TNRC6B: variants seen among roughly 807,000 people sequenced by gnomAD.
TNRC6B encodes the protein trinucleotide repeat containing adaptor 6B, also known as trinucleotide repeat-containing gene 6B protein.
A neutral mutation model predicts 203.6 loss-of-function variants in TNRC6B; 52 were observed. The ratio of observed to expected loss-of-function variants is 0.26; its 90% CI spans 0.20 to 0.32. TNRC6B has a LOEUF of 0.32. Ranked by LOEUF, TNRC6B falls within the 10% of genes least tolerant of loss-of-function variation. TNRC6B has a pLI of 1.00. For missense variants in TNRC6B, 1,923 were observed against 2,286.2 expected (o/e 0.84, Z 3.24); for synonymous variants, 838 against 845.7 (o/e 0.99, Z 0.16).
intron 1 of TNRC6B, among the ~76,000 whole-genome samples, chr22:40,222,366 C>CA (rs1446392531): frequency 6.6e-6 from 1 of 152,134 alleles, no homozygotes. Context: ...GAAGGCCTTA[C>CA]TAGGACCAGA....
chr22:40,115,675 A>G (rs1171257920), intron 1 of TNRC6B, among the ~76,000 whole-genome samples: 4 of 152,222 alleles, frequency 2.6e-5, no homozygotes, highest in African/African-American at 7.2e-5. Flanking sequence ...CGGAGGAGGA[A>G]CACTTTGTCC....
intron 3 of TNRC6B, among the ~76,000 whole-genome samples, chr22:40,130,779 TAA>T (rs200268757): frequency 3.2e-4 from 21 of 65,046 alleles, no homozygotes; most frequent in Admixed American, 5.8e-4. Flanking sequence ...AGACTCCGTC[TAA>T]AAAAAAAAAA....
intron 21 of TNRC6B, among the ~76,000 whole-genome samples, chr22:40,318,993 A>AC: frequency 6.6e-6 from 1 of 151,482 alleles, no homozygotes; most frequent in South Asian, 2.1e-4. Flanking sequence ...AATCGCTTGA[A>AC]CCCGGGGGTG....
chr22:40,313,027 G>C (rs768873908), intron 19 of TNRC6B, 30 bp downstream of exon 19: 1 of 1,564,318 alleles, frequency 6.4e-7, no homozygotes, highest in African/African-American at 1.4e-5. Context: ...GTTTCCCTTT[G>C]GTTAGCACTT....
chr22:40,194,156 G>T (rs138128284), intron 1 of TNRC6B, among the ~76,000 whole-genome samples: 16 of 152,346 alleles, frequency 1.1e-4, no homozygotes, highest in African/African-American at 3.6e-4. Flanking sequence ...CAGGCAAATG[G>T]TCTGAAGAAA....
chr22:40,226,779 A>C (rs1420409436), intron 1 of TNRC6B, among the ~76,000 whole-genome samples: 1 of 152,204 alleles, frequency 6.6e-6, no homozygotes, highest in Non-Finnish European at 1.5e-5. Context: ...TTCTGTGTGC[A>C]TATGCAGCCC....
At chr22:40,188,796 G>A (rs2069237116) in intron 1 of TNRC6B, among the ~76,000 whole-genome samples, 1 of 152,188 alleles carries the variant, frequency 6.6e-6, no homozygotes, top group Non-Finnish European at 1.5e-5. Flanking sequence ...CCATAGACAT[G>A]TGAATGTTTA....
chr22:40,071,445 C>T (rs1009010880), intron 1 of TNRC6B, among the ~76,000 whole-genome samples: 7 of 152,136 alleles, frequency 4.6e-5, no homozygotes, highest in Non-Finnish European at 8.8e-5. Flanking sequence ...TTCTCTGGAC[C>T]GACTTTTCCT....
chr22:40,173,711 C>T (rs2069025884), upstream of TNRC6B, among the ~76,000 whole-genome samples: 1 of 143,022 alleles, frequency 7.0e-6, no homozygotes, highest in Admixed American at 7.0e-5. Flanking sequence ...AACACCATGG[C>T]CAGCCTTGCT....
chr22:40,202,260 G>GTTTTTGTTTTTTTT (rs761983025), intron 1 of TNRC6B, among the ~76,000 whole-genome samples: 91 of 129,754 alleles, frequency 7.0e-4, no homozygotes, highest in African/African-American at 1.4e-3. Flanking sequence ...TTGTTTTTTT[G>GTTTTTGTTTTTTTT]TTTTTTTTTT....
In TNRC6B at chr22:40,332,556, G is replaced by A. The variant is rs1368416400; in HGVS notation, c.*9315G>A. On this transcript the variant is annotated 3_prime_UTR_variant, in exon 23 of 23. Coordinates refer to ENST00000454349, the MANE Select transcript of TNRC6B (RefSeq NM_001162501.2). ...CCATGCAGCAATTCTTCTTGTTGAC[G>A]TTCACAGTACTGTAACGAGTAACAG... 6.6e-6 allele frequency: 1 copy of A among 152,646 alleles called. No homozygotes were observed. Among genetic ancestry groups the A allele is most frequent in the East Asian group, 1.9e-4 (1 of 5,172 alleles). The allele number at this position is 152,646 out of a possible 1,614,324, so 9.5% of individuals were successfully genotyped here.
intron 1 of TNRC6B, among the ~76,000 whole-genome samples, chr22:40,215,296 T>C (rs1395287488): frequency 6.6e-6 from 1 of 152,114 alleles, no homozygotes; most frequent in Non-Finnish European, 1.5e-5. Context: ...TTTTCATGTG[T>C]GATTTATCAG....
intron 17 of TNRC6B, 49 bp from the exon 18 acceptor site, chr22:40,312,455 AT>A (rs746610541): frequency 1.1e-3 from 1,579 of 1,439,064 alleles, no homozygotes; most frequent in Admixed American, 1.4e-3. Flanking sequence ...GTACTATATC[AT>A]TTTTTTTTAA....
At chr22:40,203,532 A>C (rs8137189) in intron 1 of TNRC6B, among the ~76,000 whole-genome samples, 11,792 of 152,098 alleles carry the variant, frequency 0.078, 1,426 homozygotes, top group African/African-American at 0.26. Flanking sequence ...GGTAAAATAG[A>C]ATTGGGAAAA....
chr22:40,264,534 G>A (rs2070443639), intron 4 of TNRC6B, among the ~76,000 whole-genome samples, 154 bp from the exon 5 acceptor site: 1 of 152,098 alleles, frequency 6.6e-6, no homozygotes, highest in Non-Finnish European at 1.5e-5. Context: ...AAAAAGAGAT[G>A]ACTAAGACAG....
chr22:40,130,925 A>G (rs924620818), intron 3 of TNRC6B, among the ~76,000 whole-genome samples: 7 of 150,966 alleles, frequency 4.6e-5, no homozygotes, highest in Non-Finnish European at 7.4e-5. Flanking sequence ...TTTTTGAGAC[A>G]GAGTCTCGCT....
chr22:40,069,831 A>G (rs2067931829), intron 1 of TNRC6B, among the ~76,000 whole-genome samples: 1 of 152,088 alleles, frequency 6.6e-6, no homozygotes, highest in Admixed American at 6.5e-5. Flanking sequence ...TCTTTTCTAT[A>G]CCACACATTT....
chr22:40,286,873 G>GC (rs2070791382), intron 12 of TNRC6B, among the ~76,000 whole-genome samples: 1 of 152,174 alleles, frequency 6.6e-6, no homozygotes. Flanking sequence ...TCAGTGTGTG[G>GC]CCTTAGTCCC....
rs377511912 is a variant in TNRC6B at position 40,093,618 on chromosome 22, C to T, written c.-120-23437C>T. On this transcript the variant is annotated intron_variant, in intron 1 of 23. Coordinates refer to the TNRC6B transcript ENST00000301923. ...GTCAAAGTGCTGGAAGAAAAGTAAC[C>T]ATCTGTCAAGAATGAGGGCAAAACA... is the stretch of plus-strand genomic sequence containing the variant. Among the ~76,000 whole-genome samples the T allele has an allele frequency of 1.2e-4, 19 of 152,278 alleles. 2 individuals are homozygous for T. The highest frequency in any genetic ancestry group is 9.8e-4 in the Admixed American group (15 of 15,292).
Sources: gnomAD v4.1 joint callset for allele counts (sites outside exome capture counted in the v4.1 genomes callset) on GRCh38, gnomAD v4.1.1 for gene constraint, MANE v1.5 for transcripts, NCBI Gene and HGNC (gene_info 2026-07-23, HGNC 2026-07-21) for gene names.